The following FOXN4 variants were observed in gnomAD, a reference collection of about 807,000 sequenced individuals.
The protein encoded by FOXN4 is forkhead box protein N4.
A neutral mutation model predicts 45.0 loss-of-function variants in FOXN4; 12 were observed. That is an observed-to-expected ratio of 0.27 (90% CI 0.17 to 0.43). The LOEUF is 0.43. Among genes scored for constraint, FOXN4 ranks in the 20% least tolerant of loss-of-function variants. The pLI is 1.00. For synonymous variants in FOXN4, 297 were observed against 295.0 expected (o/e 1.01, Z -0.07); for missense variants, 560 against 694.9 (o/e 0.81, Z 2.18).
intron 7 of FOXN4, among the ~76,000 whole-genome samples, chr12:109,286,001 G>T (rs568261935): frequency 6.6e-6 from 1 of 152,110 alleles, no homozygotes; most frequent in Admixed American, 6.5e-5. Context: ...AAGTAGCTGG[G>T]ACTACAGTCG....
In FOXN4 at chr12:109,290,165, G is replaced by A; in HGVS notation, c.208C>T (p.Pro70Ser). ...MASGRVDLGG[P>S]CVPHPHPGAL... ...CCTGGGTGTGGATGTGGCACGCAGG[G>A]GCCACCCAGGTCCACGCGGCCACTT... Residue 70 changes from proline to serine, a missense_variant, in exon 3 of 10, where the codon CCC (proline) becomes TCC (serine). By Grantham distance (74) the Pro-to-Ser change is moderately conservative. Transcript: ENST00000299162. This position sits in a 1 kb window ranked among gnomAD's most constrained non-coding sequence, Gnocchi z 5.1. 1.3e-6 allele frequency: 2 copies of A among 1,550,656 alleles called. No homozygotes were observed. Among genetic ancestry groups the A allele is most frequent in the Non-Finnish European group, 1.7e-6 (2 of 1,146,514 alleles).
chr12:109,282,261 A>G (rs1243936380), intron 8 of FOXN4, among the ~76,000 whole-genome samples: 2 of 152,154 alleles, frequency 1.3e-5, no homozygotes, highest in Non-Finnish European at 2.9e-5. Context: ...AGCCTGAACA[A>G]CATAGTGAGC....
chr12:109,307,987 C>G (rs1201248367), intron 2 of FOXN4, among the ~76,000 whole-genome samples: 1 of 152,104 alleles, frequency 6.6e-6, no homozygotes, highest in African/African-American at 2.4e-5. Context: ...CAAACAGTAT[C>G]AAATGCAGAA....
At chr12:109,299,889 C>T (rs1190652549) in intron 2 of FOXN4, among the ~76,000 whole-genome samples, 2 of 152,236 alleles carry the variant, frequency 1.3e-5, no homozygotes, top group Non-Finnish European at 1.5e-5. Context: ...GCCCCGGGTC[C>T]CCCTTTGCTC....
chr12:109,308,190 T>G (rs2047938127), intron 2 of FOXN4, 46 bp downstream of exon 2: 2 of 1,437,632 alleles, frequency 1.4e-6, no homozygotes, highest in Non-Finnish European at 1.9e-6. Flanking sequence ...TACAAACACT[T>G]TGAGCAATTA....
rs2047938885 is a variant in FOXN4, at chr12:109,308,298, G to A, written c.24C>T (p.Ser8=). The A allele has an allele frequency of 6.4e-7, 1 of 1,551,806 alleles. No individual in the cohort carries two copies. The highest frequency in any genetic ancestry group is 8.7e-7 in the Non-Finnish European group (1 of 1,146,918). The change falls in exon 2 of 10, where the codon TCC becomes TCT. Residue 8 remains serine, a synonymous_variant. Transcript: ENST00000299162. MIESDTS[S]IMSGIIRNSG... is the part of the protein sequence containing the mutation. The stretch of plus-strand genomic sequence containing the variant: ...AGTTTCGAATAATTCCTGACATTAT[G>A]GATGAGGTGTCACTTTCTATCATCT...
At position 109,279,741 on chromosome 12, in the gene FOXN4, G is replaced by A. The variant is rs1408171824; in HGVS notation, c.1484C>T (p.Ala495Val). ...YTAYSTPDSV[A>V]ASGTSSSSQY... ...GGAGGAGGAGCTGGTGCCCGATGCA[G>A]CCACACTGTCCGGAGTGGAGTACGC... Residue 495 changes from alanine to valine, a missense_variant, in exon 10 of 10, where the codon GCT becomes GTT. Coordinates refer to ENST00000299162, the MANE Select transcript of FOXN4 (RefSeq NM_213596.3). 1 of 1,585,318 alleles carries A rather than the reference G, an allele frequency of 6.3e-7. No homozygotes were observed. Among genetic ancestry groups the A allele is most frequent in the Non-Finnish European group, 8.6e-7 (1 of 1,166,120 alleles).
chr12:109,308,771 G>A (rs1239423089), intron 1 of FOXN4, among the ~76,000 whole-genome samples: 1 of 152,088 alleles, frequency 6.6e-6, no homozygotes, highest in Admixed American at 6.5e-5. Context: ...CTTGCAAAGG[G>A]AATAATCCCC....
intron 8 of FOXN4, among the ~76,000 whole-genome samples, chr12:109,283,936 C>T (rs2047677159): frequency 6.6e-6 from 1 of 152,194 alleles, no homozygotes; most frequent in Non-Finnish European, 1.5e-5. Context: ...TAACTTTGTT[C>T]ACAAACCTTC....
chr12:109,290,238 C>T lies in FOXN4; in HGVS notation c.135G>A (p.Ser45=), dbSNP rs1465986094. The T allele has an allele frequency of 1.5e-5, 23 of 1,551,290 alleles. No individual in the cohort carries two copies. Among genetic ancestry groups the T allele is most frequent in the Admixed American group, 5.9e-5 (3 of 50,946 alleles). The change falls in exon 3 of 10, where the codon TCG becomes TCA. Residue 45 remains serine (S), a synonymous_variant. Transcript: ENST00000299162. The surrounding 1 kb of genome is among the most constrained non-coding windows in gnomAD (Gnocchi z 5.1). ...CATCCACCGCCGTGAGCCACGACAG[C>T]GACTGCAGGTCCCCGGGAAGGTCAT... ...SDDDLPGDLQ[S]LSWLTAVDVP...
chr12:109,283,815 C>T (rs1284122028), intron 8 of FOXN4, among the ~76,000 whole-genome samples: 1 of 152,218 alleles, frequency 6.6e-6, no homozygotes, highest in Non-Finnish European at 1.5e-5. Flanking sequence ...TAAAATATTT[C>T]TCATTTCTAA....
At chr12:109,307,709 G>A (rs1173928905) in intron 2 of FOXN4, among the ~76,000 whole-genome samples, 1 of 152,198 alleles carries the variant, frequency 6.6e-6, no homozygotes, top group African/African-American at 2.4e-5. Flanking sequence ...AGGCCTAGAA[G>A]AAACCTTAAG....
Position 109,278,122 on chromosome 12 carries a change from T to C in FOXN4, c.*1549A>G, listed in dbSNP as rs1282807266. On this transcript the variant is annotated 3_prime_UTR_variant, in exon 10 of 10. Transcript: ENST00000299162. ...ACACAAAGCAGATGAGCAGTGCAGG[T>C]CAGACGGGTAGCACTGGGATTGTGT... is the stretch of plus-strand genomic sequence containing the variant. The C allele has an allele frequency of 2.0e-5, 3 of 152,220 alleles. No homozygotes were observed. Among genetic ancestry groups the C allele is most frequent in the African/African-American group, 7.2e-5 (3 of 41,438 alleles). The allele number at this position is 152,220 out of a possible 1,614,324, so 9.4% of individuals were successfully genotyped here.
At chr12:109,286,408 C>G (rs899221390) in intron 7 of FOXN4, among the ~76,000 whole-genome samples, 1 of 152,202 alleles carries the variant, frequency 6.6e-6, no homozygotes, top group African/African-American at 2.4e-5. Context: ...TCTGGTGCCT[C>G]TACCCTTTTC....
intron 2 of FOXN4, among the ~76,000 whole-genome samples, chr12:109,304,281 A>G (rs186042518): frequency 9.1e-5 from 6 of 65,658 alleles, no homozygotes; most frequent in East Asian, 3.1e-4. Flanking sequence ...GAAAGAAAGA[A>G]AGAAAGAAAG....
chr12:109,279,221 C>T lies in FOXN4; in HGVS notation c.*450G>A, dbSNP rs963777418. The T allele has an allele frequency of 4.6e-6, 1 of 216,368 alleles. No individual in the cohort carries two copies. The highest frequency in any genetic ancestry group is 9.3e-6 in the Non-Finnish European group (1 of 107,328). The allele number at this position is 216,368 out of a possible 1,614,324, so 13.4% of individuals were successfully genotyped here. On this transcript the variant is annotated 3_prime_UTR_variant, in exon 10 of 10. Transcript: ENST00000299162. ...GAGGCTGCGGCTGAGGTTTGATCCA[C>T]TCAGCCATTTCCCATGAGGATGAAT...
rs963691701 is a variant in FOXN4, at chr12:109,291,065, G to A, written c.87-779C>T. 6.6e-6 allele frequency among the ~76,000 whole-genome samples: 1 copy of A among 152,140 alleles called. No individual in the cohort carries two copies. The highest frequency in any genetic ancestry group is 1.5e-5 in the Non-Finnish European group (1 of 68,032). On this transcript the variant is annotated intron_variant, in intron 2 of 9. Transcript: ENST00000299162. The surrounding 1 kb of genome is among the most constrained non-coding windows in gnomAD (Gnocchi z 6.6). ...ACCCAGTCAGTGCCTCCTGAAGCCT[G>A]AGCCCTTCAACTCGACCCCTGGTGG... is the stretch of plus-strand genomic sequence containing the variant.
rs571623640 is a variant in FOXN4, at chr12:109,302,801, C to T, written c.86+5435G>A. ...GCCCTACCTGCGCGGCAACTCCGCCCTGATTACAACAAGGTTTCGCCTGCC... is the reference window on the plus strand; with the variant it reads ...GCCCTACCTGCGCGGCAACTCCGCCTTGATTACAACAAGGTTTCGCCTGCC... On this transcript the variant is annotated intron_variant, in intron 2 of 9. Coordinates refer to ENST00000299162, the MANE Select transcript of FOXN4 (RefSeq NM_213596.3). 9.2e-5 allele frequency among the ~76,000 whole-genome samples: 14 copies of T among 152,312 alleles called. No individual in the cohort carries two copies. The South Asian group carries it at 1.0e-3, about 11-fold the overall frequency.
At chr12:109,293,258 G>C (rs1209582740) in intron 2 of FOXN4, among the ~76,000 whole-genome samples, 1 of 152,154 alleles carries the variant, frequency 6.6e-6, no homozygotes, top group Non-Finnish European at 1.5e-5. Flanking sequence ...AAGGACCAGG[G>C]TTGGGGTCCT....
Sources: allele counts gnomAD v4.1 joint callset (sites outside exome capture counted in the v4.1 genomes callset), GRCh38; gene constraint gnomAD v4.1.1; non-coding constraint Gnocchi (gnomAD v3.1); transcripts MANE v1.5; gene names NCBI Gene and HGNC (gene_info 2026-07-23, HGNC 2026-07-21).